VWC2L: variants seen among roughly 807,000 people sequenced by gnomAD.
The protein encoded by VWC2L is von Willebrand factor C domain-containing protein 2-like.
Under a neutral mutation model 21.6 loss-of-function variants are expected in VWC2L, and 10 were observed. That is an observed-to-expected ratio of 0.46 (90% CI 0.29 to 0.78). VWC2L has a LOEUF of 0.78. Ranked by LOEUF, VWC2L falls within the 30% of genes least tolerant of loss-of-function variation. VWC2L has a pLI of 0.10. For synonymous variants in VWC2L, 96 were observed against 94.3 expected (o/e 1.02, Z -0.10); for missense variants, 209 against 277.1 (o/e 0.75, Z 1.74).
intron 3 of VWC2L, among the ~76,000 whole-genome samples, chr2:214,519,595 A>G (rs899198352): frequency 6.6e-6 from 1 of 152,210 alleles, no homozygotes; most frequent in Non-Finnish European, 1.5e-5. Context: ...ACTGGCCACA[A>G]CAGTGTGATG....
At chr2:214,571,865 C>A (rs950555575) in intron 3 of VWC2L, among the ~76,000 whole-genome samples, 3 of 152,180 alleles carry the variant, frequency 2.0e-5, no homozygotes, top group Non-Finnish European at 4.4e-5. Context: ...TAGCTCACTG[C>A]AGCCTCGACC....
Position 214,446,718 on chromosome 2 carries a change from C to T in VWC2L, c.520+9960C>T, listed in dbSNP as rs902619445. ...GTTTGAAATGTTGAGTCCAGTCCCC[C>T]CACAAAACATACATTTTTTCCCTTG... On this transcript the variant is annotated intron_variant, in intron 3 of 3. Transcript: ENST00000312504. Among the ~76,000 whole-genome samples the T allele has an allele frequency of 3.9e-5, 6 of 152,212 alleles. 1 individual carries two copies. The South Asian group carries it at 8.3e-4, about 21-fold the overall frequency.
chr2:214,447,556 C>A (rs899525418), intron 3 of VWC2L, among the ~76,000 whole-genome samples: 5 of 152,146 alleles, frequency 3.3e-5, no homozygotes, highest in African/African-American at 1.2e-4. Flanking sequence ...GCCCTACCAC[C>A]CCACCACCAT....
At chr2:214,500,239 C>T (rs574190333) in intron 3 of VWC2L, among the ~76,000 whole-genome samples, 10 of 152,320 alleles carry the variant, frequency 6.6e-5, no homozygotes, top group African/African-American at 2.4e-4. Flanking sequence ...TTTTTCTGCT[C>T]TGATAAAACC....
intron 3 of VWC2L, among the ~76,000 whole-genome samples, chr2:214,535,647 C>T (rs1398179092): frequency 1.3e-5 from 2 of 152,114 alleles, no homozygotes; most frequent in Admixed American, 6.6e-5. Flanking sequence ...CTGCGTAAGT[C>T]ATCCCAATTT....
chr2:214,489,477 A>G (rs1478666858), intron 3 of VWC2L, among the ~76,000 whole-genome samples: 1 of 152,190 alleles, frequency 6.6e-6, no homozygotes. Context: ...TGATGACAAG[A>G]AGGGGATAGA....
chr2:214,482,837 T>G (rs559435102), intron 3 of VWC2L, among the ~76,000 whole-genome samples: 121 of 152,194 alleles, frequency 8.0e-4, no homozygotes, highest in Non-Finnish European at 1.2e-3. Flanking sequence ...GTTTGAATTT[T>G]TCCCCCTATT....
At chr2:214,520,309 A>AC (rs1311301084) in intron 3 of VWC2L, among the ~76,000 whole-genome samples, 4 of 152,198 alleles carry the variant, frequency 2.6e-5, no homozygotes, top group African/African-American at 7.2e-5. Flanking sequence ...TCATGTCAAA[A>AC]ACACTTTTCC....
At chr2:214,570,531 T>A (rs1690134849) in intron 3 of VWC2L, among the ~76,000 whole-genome samples, 2 of 151,976 alleles carry the variant, frequency 1.3e-5, no homozygotes, top group Admixed American at 6.6e-5. Context: ...GCCCAGCTAA[T>A]TCTTTGCATT....
chr2:214,422,299 TTGTGTG>T (rs112286362), intron 2 of VWC2L, among the ~76,000 whole-genome samples: 21 of 150,242 alleles, frequency 1.4e-4, no homozygotes, highest in South Asian at 4.2e-4. Flanking sequence ...ATGCATTAAT[TTGTGTG>T]TGTGTGTGTG....
At chr2:214,556,768 C>T (rs1343527486) in intron 3 of VWC2L, among the ~76,000 whole-genome samples, 1 of 152,160 alleles carries the variant, frequency 6.6e-6, no homozygotes, top group Admixed American at 6.5e-5. Context: ...TAAAATCAAC[C>T]TCCTCACTTC....
intron 3 of VWC2L, among the ~76,000 whole-genome samples, chr2:214,469,954 G>A (rs998111461): frequency 1.2e-4 from 19 of 152,096 alleles, no homozygotes; most frequent in African/African-American, 4.6e-4. Context: ...AAGCATCCAA[G>A]TAACTTAAAG....
At chr2:214,567,030 A>G (rs936893077) in intron 3 of VWC2L, among the ~76,000 whole-genome samples, 2 of 152,182 alleles carry the variant, frequency 1.3e-5, no homozygotes, top group African/African-American at 4.8e-5. Context: ...CCAAATAAAT[A>G]TAGGATGTTT....
chr2:214,575,086 T>C (rs1690208905), intron 3 of VWC2L, among the ~76,000 whole-genome samples: 1 of 136,622 alleles, frequency 7.3e-6, no homozygotes, highest in African/African-American at 2.7e-5. Flanking sequence ...AGTCCATTTA[T>C]AAAAATCAAA....
In VWC2L at chr2:214,411,232, CCA is replaced by C. The variant is rs1454705563; in HGVS notation, c.-632_-631del. ...CTAAAGTTGCTCCTTTCCTTCACATCCACAGTTAGTATTTTCCGGTGTGTAAG... is the reference window on the plus strand; with the variant it reads ...CTAAAGTTGCTCCTTTCCTTCACATCCAGTTAGTATTTTCCGGTGTGTAAG... On this transcript the variant is annotated 5_prime_UTR_variant, in exon 1 of 4. Coordinates refer to ENST00000312504, the MANE Select transcript of VWC2L (RefSeq NM_001080500.4). 5 of 152,234 alleles carry C rather than the reference CCA, an allele frequency of 3.3e-5. No homozygotes were observed. Among genetic ancestry groups the C allele is most frequent in the Admixed American group, 3.3e-4 (5 of 15,274 alleles). 9.4% of individuals were successfully genotyped at this position (152,234 alleles called of 1,614,324 possible).
Position 214,578,862 on chromosome 2 carries a change from A to G in VWC2L, c.*3042A>G, listed in dbSNP as rs1690273585. 2 of 152,118 alleles carry G rather than the reference A, an allele frequency of 1.3e-5. No individual in the cohort carries two copies. The highest frequency in any genetic ancestry group is 1.3e-4 in the Admixed American group (2 of 15,272). The allele number at this position is 152,118 out of a possible 1,614,324, so 9.4% of individuals were successfully genotyped here. ...GTGCCTGAAAACTAGTGAGAAAAAA[A>G]AAAAACCTAAACACTAAACTGTAAA... On this transcript the variant is annotated 3_prime_UTR_variant, in exon 4 of 4. Coordinates refer to ENST00000312504, the MANE Select transcript of VWC2L (RefSeq NM_001080500.4).
At chr2:214,562,541 G>T (rs1464390511) in intron 3 of VWC2L, among the ~76,000 whole-genome samples, 2 of 152,116 alleles carry the variant, frequency 1.3e-5, no homozygotes, top group Non-Finnish European at 2.9e-5. Flanking sequence ...TGGTATTTCT[G>T]GTTCTAGATC....
At chr2:214,454,036 T>C (rs1381582001) in intron 3 of VWC2L, among the ~76,000 whole-genome samples, 1 of 152,104 alleles carries the variant, frequency 6.6e-6, no homozygotes, top group Non-Finnish European at 1.5e-5. Context: ...AATACTCTTG[T>C]AGTTAGTATG....
chr2:214,514,041 A>AACTG (rs1215189742), intron 3 of VWC2L, among the ~76,000 whole-genome samples: 2 of 152,212 alleles, frequency 1.3e-5, no homozygotes, highest in Non-Finnish European at 2.9e-5. Flanking sequence ...TTATAATGAG[A>AACTG]ACTGATTGAT....
Sources: gnomAD v4.1 joint callset for allele counts (sites outside exome capture counted in the v4.1 genomes callset) on GRCh38, gnomAD v4.1.1 for gene constraint, MANE v1.5 for transcripts, NCBI Gene and HGNC (gene_info 2026-07-23, HGNC 2026-07-21) for gene names.